SHANK2: variants seen among roughly 807,000 people sequenced by gnomAD.
SHANK2 encodes SH3 and multiple ankyrin repeat domains protein 2.
In SHANK2, 43 loss-of-function variants were observed where a neutral mutation model predicts 133.7. That is an observed-to-expected ratio of 0.32 (90% confidence interval 0.25 to 0.41). The LOEUF (loss-of-function observed/expected upper bound fraction) is 0.41. SHANK2 is among the 10% of genes least tolerant of loss of function. The probability of loss-of-function intolerance (pLI) is 1.00; values close to 1 mark genes in which losing one functional copy is unlikely to be tolerated. For synonymous variants in SHANK2, 1,017 were observed against 952.8 expected (o/e 1.07, Z -1.24); for missense variants, 1,994 against 2,235.8 (o/e 0.89, Z 2.18).
At chr11:70,840,836 C>G (rs2135429313) in intron 11 of SHANK2, among the ~76,000 whole-genome samples, 1 of 152,260 alleles carries the variant, frequency 6.6e-6, no homozygotes, top group South Asian at 2.1e-4. Context: ...CATCCCAGCA[C>G]CGGGCACTTC....
intron 15 of SHANK2, among the ~76,000 whole-genome samples, chr11:70,688,020 G>A (rs1456024843): frequency 3.3e-5 from 5 of 152,232 alleles, no homozygotes; most frequent in Non-Finnish European, 5.9e-5. Context: ...CAGGGGACTT[G>A]GGTCCAGAAC....
At chr11:70,849,757 T>G (rs1949055116) in intron 11 of SHANK2, among the ~76,000 whole-genome samples, 1 of 152,210 alleles carries the variant, frequency 6.6e-6, no homozygotes, top group African/African-American at 2.4e-5. Flanking sequence ...TAGCTGCCAT[T>G]TATCAAGTCT....
At chr11:70,775,088 G>A (rs1433501837) in intron 14 of SHANK2, among the ~76,000 whole-genome samples, 3 of 152,182 alleles carry the variant, frequency 2.0e-5, no homozygotes, top group African/African-American at 7.2e-5. Context: ...GAGTCCAGGA[G>A]TTTAAGGCTG....
At chr11:70,753,481 T>C (rs1946799165) in intron 14 of SHANK2, among the ~76,000 whole-genome samples, 1 of 151,558 alleles carries the variant, frequency 6.6e-6, no homozygotes, top group African/African-American at 2.4e-5. Context: ...AGGAAGCAAA[T>C]AACAAAATAA....
intron 9 of SHANK2, among the ~76,000 whole-genome samples, chr11:71,073,465 CT>C (rs1193928989): frequency 1.3e-5 from 2 of 151,686 alleles, no homozygotes; most frequent in Non-Finnish European, 2.9e-5. Context: ...GCCAGGCTTG[CT>C]TTTTTAATTT....
intron 11 of SHANK2, among the ~76,000 whole-genome samples, chr11:70,893,613 A>G (rs1949886122): frequency 6.6e-6 from 1 of 152,244 alleles, no homozygotes. Context: ...TTGCTAGTTC[A>G]TAATCACGAA....
chr11:70,842,970 T>G (rs1407557659), intron 11 of SHANK2, among the ~76,000 whole-genome samples: 1 of 152,060 alleles, frequency 6.6e-6, no homozygotes, highest in African/African-American at 2.4e-5. Flanking sequence ...CCTGACGCAG[T>G]GTCATACCCC....
At chr11:70,615,407 G>A (rs1384108406) in intron 17 of SHANK2, among the ~76,000 whole-genome samples, 1 of 152,136 alleles carries the variant, frequency 6.6e-6, no homozygotes, top group Non-Finnish European at 1.5e-5. Context: ...AGGGAGGGCT[G>A]ACTGGAATAG....
At chr11:71,212,054 G>A (rs531912118) in intron 2 of SHANK2, among the ~76,000 whole-genome samples, 19 of 152,240 alleles carry the variant, frequency 1.2e-4, no homozygotes, top group Admixed American at 3.3e-4. Flanking sequence ...ACACCGTGTC[G>A]CATGAAAAAA....
At chr11:71,140,696 C>T (rs1952538563) in intron 3 of SHANK2, among the ~76,000 whole-genome samples, 1 of 152,194 alleles carries the variant, frequency 6.6e-6, no homozygotes, top group African/African-American at 2.4e-5. Context: ...CGCAATGGCT[C>T]ACTTCACAAG....
At chr11:70,670,405 C>T (rs916223305) in intron 15 of SHANK2, among the ~76,000 whole-genome samples, 7 of 152,290 alleles carry the variant, frequency 4.6e-5, no homozygotes, top group African/African-American at 1.7e-4. Flanking sequence ...AGGTGAGGAC[C>T]CAACAGGTGT....
At chr11:70,503,834 G>A (rs1554967799) in intron 17 of SHANK2, among the ~76,000 whole-genome samples, 7 of 152,238 alleles carry the variant, frequency 4.6e-5, no homozygotes, top group Admixed American at 2.0e-4. Context: ...AGGAAAACCC[G>A]AGTGATGGAG....
chr11:71,091,473 T>C (rs975148161), intron 8 of SHANK2, among the ~76,000 whole-genome samples: 3 of 152,146 alleles, frequency 2.0e-5, no homozygotes, highest in African/African-American at 7.2e-5. Flanking sequence ...AGAGAAACCA[T>C]GGCAGTCACT....
intron 17 of SHANK2, among the ~76,000 whole-genome samples, chr11:70,503,631 G>T (rs1338650908): frequency 1.3e-5 from 2 of 152,216 alleles, no homozygotes; most frequent in East Asian, 3.8e-4. Context: ...CCACTGCCCT[G>T]CAGTTGAGGA....
chr11:70,544,208 A>G (rs1454797924), intron 17 of SHANK2, among the ~76,000 whole-genome samples: 1 of 151,972 alleles, frequency 6.6e-6, no homozygotes, highest in Non-Finnish European at 1.5e-5. Context: ...CACATGCAGG[A>G]GAGAGTCCTG....
At chr11:70,953,217 C>G (rs1319150551) in intron 10 of SHANK2, among the ~76,000 whole-genome samples, 2 of 151,994 alleles carry the variant, frequency 1.3e-5, no homozygotes, top group African/African-American at 4.8e-5. Context: ...GGGGGTGGAT[C>G]CCTCATGAAC....
At chr11:71,109,275 G>A (rs554336436) in intron 6 of SHANK2, among the ~76,000 whole-genome samples, 2 of 152,256 alleles carry the variant, frequency 1.3e-5, no homozygotes, top group East Asian at 3.9e-4. Flanking sequence ...GCAAGAGACT[G>A]TCACCTGGGG....
At chr11:70,563,018 C>T (rs1000233429) in intron 17 of SHANK2, among the ~76,000 whole-genome samples, 15 of 152,032 alleles carry the variant, frequency 9.9e-5, no homozygotes, top group African/African-American at 3.4e-4. Flanking sequence ...ATTACAGGCA[C>T]CCACCACCGC....
At chr11:70,564,956 T>C (rs1315783015) in intron 17 of SHANK2, among the ~76,000 whole-genome samples, 1 of 152,226 alleles carries the variant, frequency 6.6e-6, no homozygotes, top group Non-Finnish European at 1.5e-5. Context: ...ATTTAACTTT[T>C]TGGACATATG....
Sources: gnomAD v4.1 joint callset for allele counts (sites outside exome capture counted in the v4.1 genomes callset) on GRCh38, gnomAD v4.1.1 for gene constraint, MANE v1.5 for transcripts, NCBI Gene and HGNC (gene_info 2026-07-23, HGNC 2026-07-21) for gene names.